Variants in COL25A1 observed in about 807,000 individuals in gnomAD.
COL25A1 encodes the protein collagen type XXV alpha 1 chain.
In COL25A1, 103 loss-of-function variants were observed where a neutral mutation model predicts 128.4. That is an observed-to-expected ratio of 0.80 (90% CI 0.68 to 0.94). The LOEUF (loss-of-function observed/expected upper bound fraction) is 0.94, where lower values mean the gene tolerates loss of function less well. Ranked by LOEUF, COL25A1 falls within the 40% of genes least tolerant of loss-of-function variation. The probability of loss-of-function intolerance (pLI) is 0.00; values close to 1 mark genes in which losing one functional copy is unlikely to be tolerated. For missense variants in COL25A1, 745 were observed against 840.0 expected (o/e 0.89, Z 1.40); for synonymous variants, 279 against 277.2 (o/e 1.01, Z -0.06).
At chr4:109,196,187 G>C (rs547767235) in intron 3 of COL25A1, among the ~76,000 whole-genome samples, 1 of 152,246 alleles carries the variant, frequency 6.6e-6, no homozygotes, top group Admixed American at 6.5e-5. Flanking sequence ...CGAGACCTCA[G>C]GCAATCACCA....
intron 11 of COL25A1, among the ~76,000 whole-genome samples, chr4:108,921,936 T>G (rs1015930984): frequency 2.0e-5 from 3 of 152,168 alleles, no homozygotes; most frequent in Non-Finnish European, 4.4e-5. Flanking sequence ...ATAGAGACTA[T>G]CAGGTGTAAA....
chr4:109,044,113 GTGTA>G (rs1023916246), intron 5 of COL25A1, among the ~76,000 whole-genome samples: 1 of 135,324 alleles, frequency 7.4e-6, no homozygotes, highest in African/African-American at 2.7e-5. Flanking sequence ...GTGTGTGTGT[GTGTA>G]TGTATGTATA....
intron 6 of COL25A1, among the ~76,000 whole-genome samples, chr4:108,987,564 C>T (rs1326402821): frequency 3.3e-5 from 5 of 151,822 alleles, no homozygotes; most frequent in Non-Finnish European, 7.4e-5. Flanking sequence ...TTAGTAGAGA[C>T]GGGGTTTCAC....
intron 3 of COL25A1, among the ~76,000 whole-genome samples, chr4:109,127,095 T>C (rs1212626816): frequency 6.6e-6 from 1 of 152,202 alleles, no homozygotes; most frequent in Non-Finnish European, 1.5e-5. Flanking sequence ...CTCAAGGATG[T>C]TAGTTTTAAA....
chr4:108,941,623 C>T (rs1257758343), intron 8 of COL25A1, among the ~76,000 whole-genome samples, 186 bp from the exon 9 acceptor site: 2 of 152,138 alleles, frequency 1.3e-5, no homozygotes, highest in East Asian at 3.9e-4. Flanking sequence ...AAATATAATC[C>T]TGAAATGGGA....
At chr4:108,832,479 A>G (rs1733250578) in intron 31 of COL25A1, 46 bp from the exon 32 acceptor site, 1 of 1,293,880 alleles carries the variant, frequency 7.7e-7, no homozygotes, top group East Asian at 2.3e-5. Context: ...CTGCAAGAAT[A>G]GCAGTTATAA....
intron 3 of COL25A1, among the ~76,000 whole-genome samples, chr4:109,134,722 C>G (rs1769545344): frequency 6.6e-6 from 1 of 152,002 alleles, no homozygotes; most frequent in East Asian, 1.9e-4. Context: ...AAGCTATCGA[C>G]TGAGATGGGG....
At chr4:109,014,508 T>G (rs570730846) in intron 5 of COL25A1, among the ~76,000 whole-genome samples, 2 of 152,362 alleles carry the variant, frequency 1.3e-5, no homozygotes, top group East Asian at 3.9e-4. Context: ...CTGTCCATCT[T>G]TAATACGTCG....
intron 19 of COL25A1, among the ~76,000 whole-genome samples, chr4:108,873,819 A>C (rs1739103936): frequency 6.6e-6 from 1 of 152,164 alleles, no homozygotes; most frequent in Admixed American, 6.5e-5. Context: ...GAACGGTGTA[A>C]GATAGAAAAG....
At chr4:108,937,665 A>T in intron 11 of COL25A1, 143 bp downstream of exon 11, 1 of 580,822 alleles carries the variant, frequency 1.7e-6, no homozygotes. Flanking sequence ...AGCATGTAGT[A>T]GGCCATATTA....
intron 16 of COL25A1, among the ~76,000 whole-genome samples, chr4:108,895,124 C>T (rs1394002439): frequency 6.6e-6 from 1 of 152,082 alleles, no homozygotes; most frequent in African/African-American, 2.4e-5. Flanking sequence ...CTAGACTCCT[C>T]GAATATGAAT....
intron 3 of COL25A1, among the ~76,000 whole-genome samples, chr4:109,161,076 G>A (rs1447146508): frequency 6.6e-6 from 1 of 151,970 alleles, no homozygotes; most frequent in African/African-American, 2.4e-5. Context: ...GGCCTCAAGC[G>A]ATCCTCCCAC....
At chr4:109,066,828 A>G (rs149810489) in intron 3 of COL25A1, among the ~76,000 whole-genome samples, 29 of 151,934 alleles carry the variant, frequency 1.9e-4, no homozygotes, top group African/African-American at 6.5e-4. Context: ...ACACCTGGCT[A>G]ATTTTTTTAT....
intron 16 of COL25A1, 34 bp downstream of exon 16, chr4:108,896,633 C>T: frequency 8.8e-6 from 14 of 1,599,734 alleles, no homozygotes; most frequent in Non-Finnish European, 1.2e-5. Flanking sequence ...TTCTTGCTCA[C>T]ATATGTACCC....
chr4:108,990,673 T>C (rs912376322), intron 6 of COL25A1, among the ~76,000 whole-genome samples: 9 of 152,218 alleles, frequency 5.9e-5, no homozygotes, highest in African/African-American at 2.2e-4. Flanking sequence ...TGAGTGCTTA[T>C]GTGAGAAGGT....
intron 3 of COL25A1, among the ~76,000 whole-genome samples, chr4:109,135,442 C>T (rs539811378): frequency 2.6e-5 from 4 of 152,180 alleles, no homozygotes; most frequent in African/African-American, 9.6e-5. Context: ...ATACATACTG[C>T]TATGTCCCTA....
chr4:109,285,024 G>A (rs559878606), intron 3 of COL25A1, among the ~76,000 whole-genome samples: 9 of 152,076 alleles, frequency 5.9e-5, no homozygotes, highest in African/African-American at 2.2e-4. Context: ...CTAGAACTAG[G>A]GAAGTTTTTT....
chr4:108,988,471 C>T (rs1254744906), intron 6 of COL25A1, among the ~76,000 whole-genome samples: 3 of 152,058 alleles, frequency 2.0e-5, no homozygotes, highest in South Asian at 2.1e-4. Context: ...TCTCATGTGT[C>T]GACTCATGAC....
intron 3 of COL25A1, among the ~76,000 whole-genome samples, chr4:109,150,297 T>C (rs1056051681): frequency 1.3e-5 from 2 of 152,150 alleles, no homozygotes; most frequent in Admixed American, 6.5e-5. Flanking sequence ...GGAGAATCTA[T>C]TAGGTTTCTT....
Sources: allele counts gnomAD v4.1 joint callset (sites outside exome capture counted in the v4.1 genomes callset), GRCh38; gene constraint gnomAD v4.1.1; transcripts MANE v1.5; gene names NCBI Gene and HGNC (gene_info 2026-07-23, HGNC 2026-07-21).